The following PSMA5 variants were observed in gnomAD, a reference collection of about 807,000 sequenced individuals.
The protein encoded by PSMA5 is proteasome 20S subunit alpha 5, also known as proteasome subunit alpha type-5.
In PSMA5, 3 loss-of-function variants were observed where a neutral mutation model predicts 34.5. That is an observed-to-expected ratio of 0.09 (90% CI 0.04 to 0.22). The LOEUF is 0.22. Among genes scored for constraint, PSMA5 ranks in the 10% least tolerant of loss-of-function variants. The pLI is 1.00. For synonymous variants in PSMA5, 88 were observed against 95.8 expected, an observed-to-expected ratio of 0.92 and a Z score of 0.47; for missense variants, 120 against 286.1, an observed-to-expected ratio of 0.42 and a Z score of 4.19.
intron 8 of PSMA5, among the ~76,000 whole-genome samples, chr1:109,407,586 A>G (rs1653829052): frequency 6.6e-6 from 1 of 152,154 alleles, no homozygotes; most frequent in East Asian, 1.9e-4. Flanking sequence ...CCTGGTAAGT[A>G]CTGATTGGTT....
At chr1:109,424,469 C>T (rs1654569161) in intron 1 of PSMA5, among the ~76,000 whole-genome samples, 1 of 152,060 alleles carries the variant, frequency 6.6e-6, no homozygotes. Context: ...AGCCACTGTA[C>T]CTGTAAACAA....
intron 1 of PSMA5, among the ~76,000 whole-genome samples, chr1:109,422,963 C>G (rs1027981024): frequency 3.9e-5 from 6 of 152,272 alleles, no homozygotes; most frequent in Non-Finnish European, 8.8e-5. Flanking sequence ...ACACTTAACA[C>G]TTTCCACCTT....
chr1:109,416,633 T>C (rs1654210057), intron 2 of PSMA5, among the ~76,000 whole-genome samples: 3 of 152,256 alleles, frequency 2.0e-5, no homozygotes, highest in African/African-American at 7.2e-5. Context: ...TTGCTTAACA[T>C]GTCTGCAGAC....
intron 1 of PSMA5, among the ~76,000 whole-genome samples, chr1:109,424,715 G>A (rs962009056): frequency 1.3e-5 from 2 of 152,042 alleles, no homozygotes; most frequent in Non-Finnish European, 2.9e-5. Context: ...CAGGCCAGGC[G>A]CGGTGGCTCA....
intron 2 of PSMA5, among the ~76,000 whole-genome samples, chr1:109,419,348 G>A (rs1169665504): frequency 6.6e-6 from 1 of 152,110 alleles, no homozygotes; most frequent in African/African-American, 2.4e-5. Context: ...CCAGACTGGA[G>A]CAGATTAGAA....
intron 4 of PSMA5, 84 bp downstream of exon 4, chr1:109,412,984 C>G: frequency 8.6e-7 from 1 of 1,156,484 alleles, no homozygotes; most frequent in Non-Finnish European, 1.3e-6. Context: ...GACACAGGTA[C>G]CTGCAGTATA....
rs1654647226 is a variant in PSMA5 at position 109,426,132 on chromosome 1, G to A, written c.29+170C>T. The stretch of plus-strand genomic sequence containing the variant: ...CGGTAGGACAAGTGCCGCCGATGTG[G>A]TCTAGCTTGGGGAAGGACGGCGGGC... On this transcript the variant is annotated intron_variant, in intron 1 of 8. Coordinates refer to ENST00000271308, the MANE Select transcript of PSMA5 (RefSeq NM_002790.4). The A allele has an allele frequency of 4.8e-6, 4 of 830,172 alleles. No homozygotes were observed. In the South Asian group the frequency reaches 6.3e-5, roughly 13 times the overall value. 51.4% of individuals were successfully genotyped at this position (830,172 alleles called of 1,614,324 possible).
chr1:109,409,801 C>G, intron 8 of PSMA5, 127 bp downstream of exon 8: 5 of 636,804 alleles, frequency 7.9e-6, no homozygotes, highest in Non-Finnish European at 1.4e-5. Flanking sequence ...GTAGTCCCAG[C>G]TACTCGAGAG....
chr1:109,425,982 G>C, intron 1 of PSMA5: 1 of 508,820 alleles, frequency 2.0e-6, no homozygotes, highest in Non-Finnish European at 3.6e-6. Flanking sequence ...GATGAACGGA[G>C]CAAAGAGTGA....
intron 4 of PSMA5, chr1:109,412,732 C>A: frequency 4.7e-6 from 1 of 211,126 alleles, no homozygotes; most frequent in Middle Eastern, 1.7e-3. Flanking sequence ...GCAAAGGCAG[C>A]TGAGGGGAGA....
rs1447293252 is a variant in PSMA5 at position 109,400,419 on chromosome 1, T to C, written c.*1594A>G. The C allele has an allele frequency of 6.6e-6, 1 of 152,238 alleles. No individual in the cohort carries two copies. The highest frequency in any genetic ancestry group is 6.5e-5 in the Admixed American group (1 of 15,284). 9.4% of individuals were successfully genotyped at this position (152,238 alleles called of 1,614,324 possible). A position where few individuals can be genotyped will look rare whatever the true frequency, so the allele number is the denominator to read the frequency against. On this transcript the variant is annotated 3_prime_UTR_variant, in exon 9 of 9. Coordinates refer to ENST00000271308, the MANE Select transcript of PSMA5 (RefSeq NM_002790.4). ...TCTGCCTGATGGCTAATACATTTCT[T>C]GGCATATAGTAGGTAGGTGCTCAAT...
Position 109,400,985 on chromosome 1 carries a change from A to C in PSMA5, c.*1028T>G, listed in dbSNP as rs777721705. 3 of 152,206 alleles carry C rather than the reference A, an allele frequency of 2.0e-5. No individual in the cohort carries two copies. Among genetic ancestry groups the C allele is most frequent in the Non-Finnish European group, 2.9e-5 (2 of 68,038 alleles). 9.4% of individuals were successfully genotyped at this position (152,206 alleles called of 1,614,324 possible). ...AAATTTGAGCTGTTCAAGTCCCAAC[A>C]GCTTAATTTTGTGTGTCCATGGGCA... is the stretch of plus-strand genomic sequence containing the variant. On this transcript the variant is annotated 3_prime_UTR_variant, in exon 9 of 9. Transcript: ENST00000271308.
rs1384230570 is a variant in PSMA5 at position 109,408,039 on chromosome 1, G to A, written c.648+1889C>T. On this transcript the variant is annotated intron_variant, in intron 8 of 8. Transcript: ENST00000271308. ...TTTACTGTTGCATTCACCTACCCTC[G>A]GCAGATGACTTTACAATCACTAGGA... 3.4e-4 allele frequency among the ~76,000 whole-genome samples: 52 copies of A among 151,898 alleles called. 1 individual carries two copies. The highest frequency in any genetic ancestry group is 3.4e-3 in the Admixed American group (52 of 15,246).
At chr1:109,412,970 T>C in intron 4 of PSMA5, 98 bp downstream of exon 4, 1 of 1,024,826 alleles carries the variant, frequency 9.8e-7, no homozygotes, top group Non-Finnish European at 1.5e-6. Flanking sequence ...CCACATCTAA[T>C]ATTGACACAG....
chr1:109,399,901 A>G lies in PSMA5; in HGVS notation c.*2112T>C, dbSNP rs1653432956. The G allele has an allele frequency of 6.6e-6, 1 of 152,182 alleles. No individual in the cohort carries two copies. Among genetic ancestry groups the G allele is most frequent in the Admixed American group, 6.5e-5 (1 of 15,274 alleles). The allele number at this position is 152,182 out of a possible 1,614,324, so 9.4% of individuals were successfully genotyped here. A position where few individuals can be genotyped will look rare whatever the true frequency, so the allele number is the denominator to read the frequency against. On this transcript the variant is annotated 3_prime_UTR_variant, in exon 9 of 9. Coordinates refer to ENST00000271308, the MANE Select transcript of PSMA5 (RefSeq NM_002790.4). ...TCACCTTATTTGCAGGACTAAAGTA[A>G]ATTTATCTTATTACTAAAAACCGTA...
chr1:109,426,082 G>A (rs1654644864), intron 1 of PSMA5: 2 of 611,242 alleles, frequency 3.3e-6, no homozygotes, highest in Non-Finnish European at 2.9e-6. Flanking sequence ...CTTCCGCACC[G>A]AGTTAGGACC....
intron 3 of PSMA5, among the ~76,000 whole-genome samples, chr1:109,413,888 CTT>C (rs1259957834): frequency 6.6e-6 from 1 of 152,202 alleles, no homozygotes; most frequent in Admixed American, 6.5e-5. Context: ...TTCACCATCT[CTT>C]TGTTTGGACT....
chr1:109,426,289 C>T lies in PSMA5; in HGVS notation c.29+13G>A. ...CCCATAATTCCCACCCGACGTCCCCCAGCTGCACGGACCTGTCGTACTCAG... is the reference window on the plus strand; with the variant it reads ...CCCATAATTCCCACCCGACGTCCCCTAGCTGCACGGACCTGTCGTACTCAG... On this transcript the variant is annotated intron_variant, in intron 1 of 8. Coordinates refer to ENST00000271308, the MANE Select transcript of PSMA5 (RefSeq NM_002790.4). 1.2e-6 allele frequency: 2 copies of T among 1,614,178 alleles called. No individual in the cohort carries two copies.
intron 2 of PSMA5, among the ~76,000 whole-genome samples, chr1:109,418,734 A>G (rs866875754): frequency 5.3e-5 from 8 of 152,236 alleles, no homozygotes; most frequent in Non-Finnish European, 1.0e-4. Context: ...GATGAGCAAC[A>G]ATGTCCACAA....
Sources: gnomAD v4.1 joint callset for allele counts (sites outside exome capture counted in the v4.1 genomes callset) on GRCh38, gnomAD v4.1.1 for gene constraint, MANE v1.5 for transcripts, NCBI Gene and HGNC (gene_info 2026-07-23, HGNC 2026-07-21) for gene names.